The following ACACB variants were observed in gnomAD, a reference collection of about 807,000 sequenced individuals.
The protein encoded by ACACB is acetyl-CoA carboxylase beta.
ACACB carries 209 observed loss-of-function variants against 278.8 expected under a neutral mutation model. That is an observed-to-expected ratio of 0.75 (90% confidence interval 0.67 to 0.84). The LOEUF (loss-of-function observed/expected upper bound fraction) is 0.84. Among genes scored for constraint, ACACB ranks in the 40% least tolerant of loss-of-function variants. The pLI, the probability that ACACB is intolerant of heterozygous loss-of-function variation, is 0.00. For missense variants in ACACB, 2,850 were observed against 3,269.0 expected (o/e 0.87, Z 3.13); for synonymous variants, 1,174 against 1,285.6 (o/e 0.91, Z 1.86).
At chr12:109,250,977 G>C (rs1175934778) in intron 41 of ACACB, among the ~76,000 whole-genome samples, 1 of 152,146 alleles carries the variant, frequency 6.6e-6, no homozygotes, top group Non-Finnish European at 1.5e-5. Context: ...TGGGCTGTCT[G>C]CATGCACGTG....
rs1475796328 is a variant in ACACB at position 109,179,947 on chromosome 12, T to C, written c.1678T>C (p.Tyr560His). 2.5e-6 allele frequency: 4 copies of C among 1,612,716 alleles called. No homozygotes were observed. The highest frequency in any genetic ancestry group is 3.4e-6 in the Non-Finnish European group (4 of 1,178,990). Reference protein sequence around the residue: ...CAIRLAKTVGYVSAGTVEYLY... With the variant: ...CAIRLAKTVGHVSAGTVEYLY... ...CATCCGCCTGGCCAAGACCGTGGGC[T>C]ATGTGAGTGCAGGGACAGTGGAATA... Residue 560 changes from tyrosine to histidine, a missense_variant, in exon 11 of 53, where the codon TAT (tyrosine) becomes CAT (histidine). Tyr to His is a moderately conservative substitution (Grantham distance 83). This residue lies in a region of ACACB where 2,265 missense variants were observed against 2,561.3 expected (regional missense o/e 0.88). Coordinates refer to ENST00000338432, the MANE Select transcript of ACACB (RefSeq NM_001093.4).
At chr12:109,169,927 T>C (rs1254766947) in intron 4 of ACACB, among the ~76,000 whole-genome samples, 5 of 152,200 alleles carry the variant, frequency 3.3e-5, no homozygotes, top group African/African-American at 1.2e-4. Flanking sequence ...GCAGCTGCTC[T>C]GGGATTTCTT....
In ACACB at chr12:109,188,035, A is replaced by T; in HGVS notation, c.2017A>T (p.Asn673Tyr). The part of the protein sequence containing the change: ...KPSSGTVQEL[N>Y]FRSSKNVWGY... The stretch of plus-strand genomic sequence containing the variant: ...GAGCTCCGGGACTGTCCAGGAACTG[A>T]ATTTCCGGAGCAGCAAGAACGTGTG... Residue 673 changes from asparagine to tyrosine, a missense_variant, in exon 13 of 53, where the codon AAT becomes TAT. By Grantham distance (143) the Asn-to-Tyr change is moderately radical. Around this residue, in one of 3 missense-constraint regions of ACACB, gnomAD observed 2,265 missense variants for 2,561.3 expected, o/e 0.88. Transcript: ENST00000338432. 1.9e-6 allele frequency: 3 copies of T among 1,612,862 alleles called. No homozygotes were observed. Among genetic ancestry groups the T allele is most frequent in the Non-Finnish European group, 2.5e-6 (3 of 1,178,938 alleles).
At chr12:109,213,467 C>A (rs564614237) in intron 22 of ACACB, among the ~76,000 whole-genome samples, 2 of 152,308 alleles carry the variant, frequency 1.3e-5, no homozygotes, top group South Asian at 4.1e-4. Context: ...TGATAAAACA[C>A]TGCAAAAATT....
At chr12:109,146,515 G>A (rs538034111) in intron 2 of ACACB, among the ~76,000 whole-genome samples, 1 of 152,294 alleles carries the variant, frequency 6.6e-6, no homozygotes, top group Admixed American at 6.5e-5. Flanking sequence ...CTGTGTTCCT[G>A]TTTTGGGAGT....
chr12:109,234,923 T>C (rs1419356589), intron 31 of ACACB, among the ~76,000 whole-genome samples: 1 of 146,034 alleles, frequency 6.8e-6, no homozygotes, highest in Non-Finnish European at 1.5e-5. Flanking sequence ...TTTTTTTTTT[T>C]AGAAGAAATA....
rs1057229296 is a variant in ACACB at position 109,210,453 on chromosome 12, ATG to A, written c.3249+1102_3249+1103del. 1.5e-3 allele frequency among the ~76,000 whole-genome samples: 202 copies of A among 136,620 alleles called. 2 individuals are homozygous for A. The highest frequency in any genetic ancestry group is 4.0e-3 in the Admixed American group (56 of 13,992). The allele number at this position is 136,620 out of a possible 152,430, so 89.6% of individuals were successfully genotyped here. On this transcript the variant is annotated intron_variant, in intron 21 of 52. Coordinates refer to ENST00000338432, the MANE Select transcript of ACACB (RefSeq NM_001093.4). ...TATACACGCACATACATGTGTATATATGTATATATACGCACATACATGTGTAT... is the reference window on the plus strand; with the variant it reads ...TATACACGCACATACATGTGTATATATATATATACGCACATACATGTGTAT...
chr12:109,244,034 C>G (rs2046874742), intron 37 of ACACB, among the ~76,000 whole-genome samples: 2 of 152,040 alleles, frequency 1.3e-5, no homozygotes, highest in African/African-American at 4.8e-5. Context: ...AAGAAACTAC[C>G]ATTAGAGTGA....
At chr12:109,246,785 G>T (rs984699159) in intron 39 of ACACB, among the ~76,000 whole-genome samples, 2 of 152,128 alleles carry the variant, frequency 1.3e-5, no homozygotes, top group African/African-American at 4.8e-5. Flanking sequence ...GCCTCATAGC[G>T]TTCTTAGAAT....
At chr12:109,248,299 G>C (rs1254204960) in intron 40 of ACACB, among the ~76,000 whole-genome samples, 1 of 152,150 alleles carries the variant, frequency 6.6e-6, no homozygotes, top group East Asian at 1.9e-4. Context: ...TCTCCAGAGG[G>C]ACAGGACTAG....
chr12:109,155,158 G>A (rs530238974), intron 2 of ACACB, among the ~76,000 whole-genome samples: 10 of 152,152 alleles, frequency 6.6e-5, no homozygotes, highest in Non-Finnish European at 1.0e-4. Context: ...CTGGACGTTG[G>A]GGGTGACGTT....
At position 109,254,865 on chromosome 12, in the gene ACACB, C is replaced by T. The variant is rs141199856; in HGVS notation, c.6166+531C>T. Among the ~76,000 whole-genome samples, 1,312 of 151,972 alleles carry T rather than the reference C, an allele frequency of 8.6e-3. 16 individuals are homozygous for T. The highest frequency in any genetic ancestry group is 0.029 in the African/African-American group (1,215 of 41,416). On this transcript the variant is annotated intron_variant, in intron 44 of 52. Coordinates refer to ENST00000338432, the MANE Select transcript of ACACB (RefSeq NM_001093.4). Reference sequence around the variant, plus strand: ...TCTTGGCTTACTGCAATCTCTACCTCCTGGGTTCAAGTGATTCTCCTGACT... The same window carrying T: ...TCTTGGCTTACTGCAATCTCTACCTTCTGGGTTCAAGTGATTCTCCTGACT...
chr12:109,145,014 G>A (rs73415117), intron 2 of ACACB, among the ~76,000 whole-genome samples: 2,453 of 152,098 alleles, frequency 0.016, 87 homozygotes, highest in African/African-American at 0.056. Flanking sequence ...ACCTGTCTAG[G>A]CCTCCCAAAG....
Position 109,166,877 on chromosome 12 carries a change from C to G in ACACB, c.670C>G (p.Leu224Val). The change falls in exon 3 of 53, where the codon CTC becomes GTC. Residue 224 changes from leucine (L) to valine (V), a missense_variant. Physicochemically the swap from Leu to Val is conservative, Grantham distance 32. This residue lies in a region of ACACB where 2,265 missense variants were observed against 2,561.3 expected (regional missense o/e 0.88). Coordinates refer to ENST00000338432, the MANE Select transcript of ACACB (RefSeq NM_001093.4). Reference protein sequence around the residue: ...VPTMRPSMSGLHLVKRGREHK... With the variant: ...VPTMRPSMSGVHLVKRGREHK... The stretch of plus-strand genomic sequence containing the variant: ...ATTCTGCAGGCCGAGCATGTCGGGA[C>G]TCCACCTGGTGAAGAGGGGACGGGA... The G allele has an allele frequency of 4.3e-6, 7 of 1,614,022 alleles. No individual in the cohort carries two copies. The highest frequency in any genetic ancestry group is 5.9e-6 in the Non-Finnish European group (7 of 1,180,030).
chr12:109,117,047 C>CTT (rs71747045), intron 1 of ACACB, among the ~76,000 whole-genome samples: 26,101 of 108,896 alleles, frequency 0.24, 3,544 homozygotes, highest in African/African-American at 0.38. Flanking sequence ...AATGGTTGTT[C>CTT]TTTTTTTTTT....
intron 39 of ACACB, 60 bp from the exon 40 acceptor site, chr12:109,247,546 A>G: frequency 1.5e-6 from 2 of 1,300,150 alleles, no homozygotes; most frequent in South Asian, 2.5e-5. Flanking sequence ...TAAGAAAAAA[A>G]AAACAGTGGC....
intron 45 of ACACB, among the ~76,000 whole-genome samples, chr12:109,257,044 C>T (rs551225024): frequency 2.0e-5 from 3 of 152,178 alleles, no homozygotes; most frequent in Non-Finnish European, 2.9e-5. Flanking sequence ...GAGGCCAAGG[C>T]GGGTGGATCA....
At chr12:109,252,441 A>G (rs199894815) in intron 42 of ACACB, 4 of 128,606 alleles carry the variant, frequency 3.1e-5, no homozygotes, top group Non-Finnish European at 6.7e-5. Flanking sequence ...GGAACCCCCC[A>G]AAAAAGTAAT....
chr12:109,135,140 T>TA (rs1260407947), intron 1 of ACACB, among the ~76,000 whole-genome samples: 19 of 152,336 alleles, frequency 1.2e-4, no homozygotes, highest in African/African-American at 4.1e-4. Context: ...TGGCAATGGT[T>TA]AAGAGTTCCA....
Sources: gnomAD v4.1 joint callset for allele counts (sites outside exome capture counted in the v4.1 genomes callset) on GRCh38, gnomAD v4.1.1 for gene constraint, gnomAD v4.1.1 regional missense constraint, MANE v1.5 for transcripts, NCBI Gene and HGNC (gene_info 2026-07-23, HGNC 2026-07-21) for gene names.